Variants in FANCB observed in about 807,000 individuals in gnomAD.
The protein encoded by FANCB is Fanconi anemia group B protein.
FANCB carries 5 observed loss-of-function variants against 38.9 expected under a neutral mutation model. The ratio of observed to expected loss-of-function variants is 0.13; its 90% CI spans 0.07 to 0.27. The LOEUF (loss-of-function observed/expected upper bound fraction) is 0.27. FANCB is among the 10% of genes least tolerant of loss of function. The probability of loss-of-function intolerance (pLI) is 1.00; values close to 1 mark genes in which losing one functional copy is unlikely to be tolerated. For synonymous variants in FANCB, 236 were observed against 215.4 expected, an observed-to-expected ratio of 1.10 and a Z score of -0.84; for missense variants, 573 against 602.7, an observed-to-expected ratio of 0.95 and a Z score of 0.52.
chrX:14,862,520 C>T (rs187874826), intron 3 of FANCB, among the ~76,000 whole-genome samples: 1 of 111,802 alleles, frequency 8.9e-6, no homozygotes, highest in African/African-American at 3.2e-5. Context: ...AGGGTCCAAG[C>T]AGGGGACCCA....
At chrX:14,823,917 C>T in the FANCB span, among the ~76,000 whole-genome samples, 1 of 110,941 alleles carries the variant, frequency 9.0e-6, no homozygotes, top group Admixed American at 9.6e-5. Flanking sequence ...AGGAGAGCAC[C>T]AGGTTTGAGA....
the FANCB span, among the ~76,000 whole-genome samples, chrX:14,819,174 G>A: frequency 8.9e-6 from 1 of 112,061 alleles, no homozygotes; most frequent in Admixed American, 9.4e-5. Context: ...CTCAGGTCTA[G>A]AAGATGGGTT....
the FANCB span, among the ~76,000 whole-genome samples, chrX:14,809,292 G>A: frequency 4.4e-5 from 5 of 112,508 alleles, no homozygotes; most frequent in African/African-American, 9.7e-5. Flanking sequence ...TCTGAGGTAC[G>A]GGGTTCATCT....
chrX:14,802,341 T>C, the FANCB span, among the ~76,000 whole-genome samples: 582 of 111,608 alleles, frequency 5.2e-3, 2 homozygotes, highest in Non-Finnish European at 8.2e-3. Context: ...AGCTGAAATG[T>C]TGGGTCACAC....
chrX:14,695,159 C>CAA, the FANCB span, among the ~76,000 whole-genome samples: 193 of 103,649 alleles, frequency 1.9e-3, no homozygotes, highest in Admixed American at 8.2e-3. Flanking sequence ...ATAACAGAAA[C>CAA]AAAAAAAAAA....
the FANCB span, among the ~76,000 whole-genome samples, chrX:14,766,277 C>T: frequency 8.9e-6 from 1 of 112,167 alleles, no homozygotes; most frequent in African/African-American, 3.2e-5. Flanking sequence ...TTTATTCATT[C>T]TACATTCATA....
downstream of FANCB, among the ~76,000 whole-genome samples, chrX:14,834,063 C>A (rs931044446): frequency 1.8e-5 from 2 of 111,695 alleles, no homozygotes; most frequent in Admixed American, 1.9e-4. Flanking sequence ...AGGCTCAAGG[C>A]AAAACCCCCC....
the FANCB span, among the ~76,000 whole-genome samples, chrX:14,765,849 G>C: frequency 1.8e-5 from 2 of 111,952 alleles, no homozygotes; most frequent in Non-Finnish European, 3.8e-5. Context: ...GAAATGAAAA[G>C]ATGTTTAAAA....
At chrX:14,732,522 T>C in the FANCB span, among the ~76,000 whole-genome samples, 2 of 112,262 alleles carry the variant, frequency 1.8e-5, no homozygotes, top group African/African-American at 6.5e-5. Context: ...CATTCCTTTT[T>C]CTCCACATCT....
chrX:14,771,843 G>A, the FANCB span, among the ~76,000 whole-genome samples: 1 of 111,942 alleles, frequency 8.9e-6, no homozygotes, highest in African/African-American at 3.2e-5. Flanking sequence ...TGTTGTTCAT[G>A]TTGTTGTTGT....
chrX:14,860,118 A>G (rs1386404900), intron 3 of FANCB, among the ~76,000 whole-genome samples: 1 of 111,703 alleles, frequency 9.0e-6, no homozygotes, highest in Non-Finnish European at 1.9e-5. Flanking sequence ...GATTGGTCCC[A>G]GGGTAAACTA....
At chrX:14,786,522 G>A in the FANCB span, among the ~76,000 whole-genome samples, 43 of 110,572 alleles carry the variant, frequency 3.9e-4, no homozygotes, top group African/African-American at 1.3e-3. Flanking sequence ...ATGAATGAAC[G>A]CCCCAAAAGG....
At chrX:14,770,911 C>T in the FANCB span, among the ~76,000 whole-genome samples, 6 of 111,505 alleles carry the variant, frequency 5.4e-5, no homozygotes, top group African/African-American at 1.6e-4. Context: ...TGGCCAGATA[C>T]GAAATTTTGG....
intron 2 of FANCB, among the ~76,000 whole-genome samples, chrX:14,867,232 T>G (rs1005258757): frequency 9.0e-6 from 1 of 110,872 alleles, no homozygotes; most frequent in Admixed American, 9.6e-5. Context: ...GAAAAAACAA[T>G]CCTGAAATTC....
At chrX:14,860,577 G>A (rs1273971627) in intron 3 of FANCB, among the ~76,000 whole-genome samples, 1 of 111,873 alleles carries the variant, frequency 8.9e-6, no homozygotes, top group Non-Finnish European at 1.9e-5. Flanking sequence ...AAATTTTCTG[G>A]TAGCAGTAAA....
the FANCB span, among the ~76,000 whole-genome samples, chrX:14,697,418 G>A: frequency 8.9e-6 from 1 of 112,144 alleles, no homozygotes; most frequent in East Asian, 2.8e-4. Context: ...CGGTATAGGG[G>A]TATGCATGTG....
Position 14,859,334 on chromosome X carries a change from C to T in FANCB, c.952G>A (p.Val318Ile). The T allele has an allele frequency of 8.5e-7, 1 of 1,180,364 alleles. No homozygotes were observed. Among genetic ancestry groups the T allele is most frequent in the East Asian group, 3.0e-5 (1 of 33,499 alleles). ...ACAVWKESFQ[V>I]AAKWEKLSLV... ...CTAAGTTTTTCCCATTTAGCAGCAA[C>T]CTAAAAGAAAGGGAGCATTATAGGA... Residue 318 changes from valine to isoleucine, a missense_variant and splice_region_variant, in exon 4 of 10, where the codon GTT becomes ATT. Transcript: ENST00000650831.
the FANCB span, among the ~76,000 whole-genome samples, chrX:14,771,584 C>G: frequency 7.2e-5 from 8 of 111,771 alleles, no homozygotes; most frequent in Admixed American, 6.7e-4. Flanking sequence ...ACAACATGCT[C>G]CTTTAGCTCA....
the FANCB span, among the ~76,000 whole-genome samples, chrX:14,807,505 G>A: frequency 2.7e-5 from 3 of 112,078 alleles, no homozygotes; most frequent in South Asian, 1.1e-3. Context: ...AGGATATGCT[G>A]CAGTTATAAC....
Sources: gnomAD v4.1 joint callset for allele counts (sites outside exome capture counted in the v4.1 genomes callset) on GRCh38, gnomAD v4.1.1 for gene constraint, MANE v1.5 for transcripts, NCBI Gene and HGNC (gene_info 2026-07-23, HGNC 2026-07-21) for gene names.